The following SARDH variants were observed in gnomAD, a reference collection of about 807,000 sequenced individuals.
SARDH encodes the protein sarcosine dehydrogenase.
In SARDH, 95 loss-of-function variants were observed where a neutral mutation model predicts 109.1. The observed-to-expected ratio is 0.87, with a 90% CI of 0.74 to 1.03. The LOEUF is 1.03. SARDH is among the 50% of genes least tolerant of loss of function. SARDH has a pLI of 0.00. For synonymous variants in SARDH, 572 were observed against 534.8 expected, an observed-to-expected ratio of 1.07 and a Z score of -0.96; for missense variants, 1,267 against 1,287.8, an observed-to-expected ratio of 0.98 and a Z score of 0.25.
rs950101396 is a variant in SARDH at position 133,692,507 on chromosome 9, C to T, written c.1921+1751G>A. 1.2e-4 allele frequency among the ~76,000 whole-genome samples: 18 copies of T among 152,282 alleles called. No homozygotes were observed. The highest frequency in any genetic ancestry group is 4.1e-4 in the African/African-American group (17 of 41,544). On this transcript the variant is annotated intron_variant, in intron 15 of 20. Coordinates refer to ENST00000439388, the MANE Select transcript of SARDH (RefSeq NM_001134707.2). This position sits in a 1 kb window ranked among gnomAD's most constrained non-coding sequence, Gnocchi z 5.0. ...ACCCTTGTAGCCAGTGGCTCCTCCC[C>T]ATCCTTCCAAGCTCAGGCCGGCCCT...
intron 5 of SARDH, 67 bp from the exon 6 acceptor site, chr9:133,729,932 C>T (rs1832617413): frequency 6.3e-7 from 1 of 1,593,430 alleles, no homozygotes; most frequent in African/African-American, 1.3e-5. Flanking sequence ...CAGGTGTGCA[C>T]AGGCTGCCTC....
Position 133,704,126 on chromosome 9 carries a change from A to C in SARDH, c.1554+822T>G, listed in dbSNP as rs1404416552. On this transcript the variant is annotated intron_variant, in intron 12 of 20. Transcript: ENST00000439388. This position sits in a 1 kb window ranked among gnomAD's most constrained non-coding sequence, Gnocchi z 4.5. ...TGTCCCTAGGGGCCAGCAGGAGAAG[A>C]GACGATGACCTGCAAGGCTCTGACC... Among the ~76,000 whole-genome samples the C allele has an allele frequency of 2.0e-5, 3 of 152,006 alleles. No individual in the cohort carries two copies. The highest frequency in any genetic ancestry group is 4.4e-5 in the Non-Finnish European group (3 of 67,976).
At chr9:133,661,359 C>CAA (rs199777050), downstream of SARDH, among the ~76,000 whole-genome samples, 3 of 148,638 alleles carry the variant, frequency 2.0e-5, no homozygotes, top group Admixed American at 6.7e-5. Context: ...ACAACAACAA[C>CAA]AAAAAAAAAC....
At chr9:133,719,384 T>C (rs1202602053) in intron 6 of SARDH, among the ~76,000 whole-genome samples, 2 of 151,890 alleles carry the variant, frequency 1.3e-5, no homozygotes, top group African/African-American at 2.4e-5. Flanking sequence ...CAGTAGAGGA[T>C]GGGAGATTCC....
chr9:133,730,276 G>T (rs959535714), intron 4 of SARDH, 89 bp from the exon 5 acceptor site: 9 of 1,524,746 alleles, frequency 5.9e-6, no homozygotes, highest in African/African-American at 2.7e-5. Context: ...CCTCCCAGAG[G>T]GGAGCTGGGG....
chr9:133,663,312 G>A (rs559764971), downstream of SARDH, among the ~76,000 whole-genome samples: 1 of 152,376 alleles, frequency 6.6e-6, no homozygotes, highest in South Asian at 2.1e-4. Flanking sequence ...GCCACCTGAA[G>A]AACAGGGAGG....
chr9:133,708,499 G>A (rs1831790120), intron 10 of SARDH, 71 bp from the exon 11 acceptor site: 1 of 1,520,188 alleles, frequency 6.6e-7, no homozygotes, highest in Admixed American at 2.0e-5. Flanking sequence ...CTAGGACCCA[G>A]GGTAAGCCTG....
chr9:133,722,640 GCGCT>G (rs1832362347), intron 6 of SARDH, among the ~76,000 whole-genome samples: 2 of 98,820 alleles, frequency 2.0e-5, no homozygotes, highest in Non-Finnish European at 4.0e-5. Flanking sequence ...AAAACTACTA[GCGCT>G]CTCTCTCTCT....
At chr9:133,660,194 G>A (rs1832395336), downstream of SARDH, among the ~76,000 whole-genome samples, 3 of 152,020 alleles carry the variant, frequency 2.0e-5, no homozygotes, top group Non-Finnish European at 2.9e-5. Flanking sequence ...GTAACCCCGT[G>A]GTTGCTGAGA....
intron 11 of SARDH, among the ~76,000 whole-genome samples, chr9:133,707,661 C>A (rs1831741338): frequency 6.6e-6 from 1 of 152,186 alleles, no homozygotes; most frequent in Non-Finnish European, 1.5e-5. Context: ...GTGCCTAGGA[C>A]ATAGCCCCTG....
intron 14 of SARDH, among the ~76,000 whole-genome samples, chr9:133,694,870 G>A (rs1280269020): frequency 6.6e-6 from 1 of 152,188 alleles, no homozygotes; most frequent in Non-Finnish European, 1.5e-5. Flanking sequence ...GGGAACAGAT[G>A]TATGGAGAAA....
intron 1 of SARDH, among the ~76,000 whole-genome samples, chr9:133,736,375 TTTGTTG>T (rs746043476): frequency 8.3e-5 from 12 of 144,884 alleles, no homozygotes; most frequent in African/African-American, 3.1e-4. Context: ...TAAATTCTGT[TTTGTTG>T]TTGTTGTTGT....
upstream of SARDH, chr9:133,739,585 G>C (rs913700853): frequency 2.6e-5 from 4 of 152,420 alleles, no homozygotes; most frequent in Non-Finnish European, 5.9e-5. Context: ...CTCTGGGCCT[G>C]ACCACGTGCT....
chr9:133,709,359 G>A lies in SARDH; in HGVS notation c.1329-931C>T, dbSNP rs146682062. On this transcript the variant is annotated intron_variant, in intron 10 of 20. Coordinates refer to ENST00000439388, the MANE Select transcript of SARDH (RefSeq NM_001134707.2). This position sits in a 1 kb window ranked among gnomAD's most constrained non-coding sequence, Gnocchi z 4.2. ...CCACCCGTCCCGAATCCGACAGTGCGGAACTGCTGGCTGGAGTGAGACCCG... is the reference window on the plus strand; with the variant it reads ...CCACCCGTCCCGAATCCGACAGTGCAGAACTGCTGGCTGGAGTGAGACCCG... Among the ~76,000 whole-genome samples the A allele has an allele frequency of 2.0e-3, 309 of 152,214 alleles. No homozygotes were observed. Among genetic ancestry groups the A allele is most frequent in the Non-Finnish European group, 3.4e-3 (230 of 68,008 alleles).
chr9:133,734,008 C>T lies in SARDH; in HGVS notation c.166G>A (p.Ala56Thr). 6.2e-7 allele frequency: 1 copy of T among 1,612,980 alleles called. No individual in the cohort carries two copies. Among genetic ancestry groups the T allele is most frequent in the Non-Finnish European group, 8.5e-7 (1 of 1,179,892 alleles). ...GGCAGGGGCCGGCTTGGGCCTTGGG[C>T]CACCACCGAGGTGCCCTGTCCCTCC... Reference protein sequence around the residue: ...LKEGQGTSVVAQGPSRPLPST... With the variant: ...LKEGQGTSVVTQGPSRPLPST... Residue 56 changes from alanine to threonine, a missense_variant, in exon 2 of 21, where the codon GCC becomes ACC. Ala to Thr is a moderately conservative substitution (Grantham distance 58, BLOSUM62 0). Coordinates refer to ENST00000439388, the MANE Select transcript of SARDH (RefSeq NM_001134707.2).
intron 1 of SARDH, among the ~76,000 whole-genome samples, chr9:133,734,440 C>CTCATTCATTCATTCATTCACTCAT (rs1564304370): frequency 2.0e-5 from 2 of 102,122 alleles, no homozygotes; most frequent in East Asian, 4.2e-4. Flanking sequence ...CATTCATTCA[C>CTCATTCATTCATTCATTCACTCAT]TCATTCATTC....
upstream of SARDH, among the ~76,000 whole-genome samples, chr9:133,738,656 C>G (rs758739962): frequency 1.3e-5 from 2 of 152,194 alleles, no homozygotes; most frequent in African/African-American, 4.8e-5. Context: ...CCGAGCTCCC[C>G]GCGCCCAGAA....
intron 6 of SARDH, among the ~76,000 whole-genome samples, chr9:133,720,192 C>T (rs113613980): frequency 0.013 from 1,938 of 152,090 alleles, 35 homozygotes; most frequent in African/African-American, 0.044. Context: ...TTTGGGAGGC[C>T]GACATGGGTG....
At chr9:133,696,460 A>C in intron 13 of SARDH, 99 bp from the exon 14 acceptor site, 1 of 1,466,560 alleles carries the variant, frequency 6.8e-7, no homozygotes, top group South Asian at 1.2e-5. Flanking sequence ...ACACACCTGT[A>C]CTGAGCCTCC....
Sources: gnomAD v4.1 joint callset for allele counts (sites outside exome capture counted in the v4.1 genomes callset) on GRCh38, gnomAD v4.1.1 for gene constraint, Gnocchi (gnomAD v3.1) non-coding constraint, MANE v1.5 for transcripts, NCBI Gene and HGNC (gene_info 2026-07-23, HGNC 2026-07-21) for gene names.